The following POTEH variants were observed in gnomAD, a reference collection of about 807,000 sequenced individuals.
The protein encoded by POTEH is POTE ankyrin domain family member H, also known as ANKRD26-like family C member 3.
In POTEH, 6 loss-of-function variants were observed where a neutral mutation model predicts 41.7. The observed-to-expected ratio is 0.14, with a 90% CI of 0.08 to 0.28. The LOEUF (loss-of-function observed/expected upper bound fraction) is 0.28. POTEH is among the 10% of genes least tolerant of loss of function. The probability of loss-of-function intolerance (pLI) is 1.00; values close to 1 mark genes in which losing one functional copy is unlikely to be tolerated. For synonymous variants in POTEH, 38 were observed against 179.9 expected, an observed-to-expected ratio of 0.21 and a Z score of 6.31; for missense variants, 115 against 533.5, an observed-to-expected ratio of 0.22 and a Z score of 7.73.
chr22:15,703,647 A>T lies in POTEH; in HGVS notation c.1237+891A>T, dbSNP rs536112025. On this transcript the variant is annotated intron_variant, in intron 6 of 10. Coordinates refer to ENST00000343518, the MANE Select transcript of POTEH (RefSeq NM_001136213.1). ...TCATAAAAGTAGAAAAATGTTTCAC[A>T]CTCACAAAAATGCTAGTATGCTACC... Among the ~76,000 whole-genome samples the T allele has an allele frequency of 2.7e-4, 41 of 149,132 alleles. 1 individual carries two copies. The highest frequency in any genetic ancestry group is 9.9e-4 in the African/African-American group (40 of 40,242).
At chr22:15,720,435 TA>T (rs1320428091) in intron 10 of POTEH, among the ~76,000 whole-genome samples, 1 of 88,004 alleles carries the variant, frequency 1.1e-5, no homozygotes, top group Non-Finnish European at 2.1e-5. Context: ...TCATGATTTC[TA>T]AGAAAATCTC....
At chr22:15,711,891 AT>A (rs2123844306) in intron 9 of POTEH, among the ~76,000 whole-genome samples, 1 of 126,076 alleles carries the variant, frequency 7.9e-6, no homozygotes, top group East Asian at 3.3e-4. Context: ...TTATTTCACA[AT>A]TAAAATGTAT....
intron 1 of POTEH, among the ~76,000 whole-genome samples, chr22:15,691,382 T>C (rs1235966658): frequency 1.6e-5 from 2 of 127,550 alleles, no homozygotes; most frequent in African/African-American, 2.8e-5. Flanking sequence ...AAAAATTAGC[T>C]GGACGCGGTG....
intron 8 of POTEH, among the ~76,000 whole-genome samples, chr22:15,710,208 G>T (rs2123841761): frequency 6.6e-6 from 1 of 152,390 alleles, no homozygotes; most frequent in Admixed American, 6.5e-5. Context: ...TGTGAAATTT[G>T]GGGAGCAACT....
chr22:15,690,681 GAC>G lies in POTEH; in HGVS notation c.606_607del (p.Met203GlufsTer34). 7.1e-7 allele frequency: 1 copy of G among 1,417,952 alleles called. No homozygotes were observed. Among genetic ancestry groups the G allele is most frequent in the East Asian group, 2.3e-5 (1 of 43,714 alleles). The allele number at this position is 1,417,952 out of a possible 1,614,324, so 87.8% of individuals were successfully genotyped here. A position where few individuals can be genotyped will look rare whatever the true frequency, so the allele number is the denominator to read the frequency against. On this transcript the variant is annotated frameshift_variant, in exon 1 of 11. Transcript: ENST00000343518. LOFTEE classifies it high-confidence loss of function. ...TCTCATCGTCATGCTCAAGGACACT[GAC>G]ATGAACAAGAAGGACAAGCAAAAGA... Reference protein sequence around the residue: ...KDLIVMLKDTDMNKKDKQKRT... With the variant: ...KDLIVMLKDTXMNKKDKQKRT...
intron 1 of POTEH, among the ~76,000 whole-genome samples, chr22:15,692,005 TATAA>T (rs1193013180): frequency 1.4e-4 from 13 of 89,962 alleles, no homozygotes; most frequent in East Asian, 4.6e-4. Context: ...TATATATATA[TATAA>T]ATTTCTTTTT....
At chr22:15,710,306 C>A (rs1404610611) in intron 8 of POTEH, among the ~76,000 whole-genome samples, 5 of 152,250 alleles carry the variant, frequency 3.3e-5, no homozygotes. Flanking sequence ...TTTCAGTGAG[C>A]ACCTTCGTGT....
In POTEH at chr22:15,690,318, G is replaced by T. The variant is rs1989266559; in HGVS notation, c.241G>T (p.Gly81Cys). 1 of 1,416,894 alleles carries T rather than the reference G, an allele frequency of 7.1e-7. No homozygotes were observed. 87.8% of individuals were successfully genotyped at this position (1,416,894 alleles called of 1,614,324 possible). The stretch of plus-strand genomic sequence containing the variant: ...CAGGGGGAGCGGCAAGAGCAACGTG[G>T]GCACTTCTGGAGACCACGACGATTC... The part of the protein sequence containing the change: ...WCRGSGKSNV[G>C]TSGDHDDSAM... The change falls in exon 1 of 11, where the codon GGC (glycine) becomes TGC (cysteine). Residue 81 changes from glycine (G) to cysteine (C), a missense_variant. Physicochemically the swap from Gly to Cys is radical, Grantham distance 159. Transcript: ENST00000343518.
chr22:15,710,368 GAGA>G (rs1989785304), intron 8 of POTEH, among the ~76,000 whole-genome samples: 3 of 149,064 alleles, frequency 2.0e-5, no homozygotes, highest in African/African-American at 5.0e-5. Flanking sequence ...GGCAGTGGGG[GAGA>G]AGAATATCTT....
rs1488730237 is a variant in POTEH, at chr22:15,691,436, G to T, written c.632+727G>T. 3.2e-5 allele frequency among the ~76,000 whole-genome samples: 4 copies of T among 123,184 alleles called. 2 individuals are homozygous for T. Among genetic ancestry groups the T allele is most frequent in the African/African-American group, 5.9e-5 (2 of 34,104 alleles). The allele number at this position is 123,184 out of a possible 152,430, so 80.8% of individuals were successfully genotyped here. On this transcript the variant is annotated intron_variant, in intron 1 of 10. Coordinates refer to ENST00000343518, the MANE Select transcript of POTEH (RefSeq NM_001136213.1). ...AGCTACTCAGGAGGCTGAGGCAGGA[G>T]AATGGCGTGAACCTGGGAGGCGGAG...
intron 1 of POTEH, among the ~76,000 whole-genome samples, chr22:15,691,504 A>G (rs1989309015): frequency 8.9e-6 from 1 of 112,348 alleles, no homozygotes; most frequent in Non-Finnish European, 2.0e-5. Flanking sequence ...AGAGCCTGGG[A>G]GACAGAGCAA....
At chr22:15,710,514 T>G (rs1303442921) in intron 8 of POTEH, among the ~76,000 whole-genome samples, 1 of 152,258 alleles carries the variant, frequency 6.6e-6, no homozygotes, top group East Asian at 1.9e-4. Flanking sequence ...GTCTTTTTAT[T>G]TATGTGTTCC....
intron 1 of POTEH, among the ~76,000 whole-genome samples, chr22:15,692,724 C>T (rs1185106071): frequency 7.3e-5 from 9 of 123,514 alleles, no homozygotes; most frequent in East Asian, 4.2e-4. Context: ...CACTACATTC[C>T]GGCATGGGTG....
intron 1 of POTEH, among the ~76,000 whole-genome samples, chr22:15,691,525 C>CTGAA (rs1989309960): frequency 2.3e-5 from 2 of 88,096 alleles, no homozygotes; most frequent in African/African-American, 7.8e-5. Context: ...GACTCCGTCT[C>CTGAA]AAAAAAAAAA....
chr22:15,690,153 A>C lies in POTEH; in HGVS notation c.76A>C (p.Lys26Gln). The C allele has an allele frequency of 7.2e-7, 1 of 1,388,108 alleles. No homozygotes were observed. Among genetic ancestry groups the C allele is most frequent in the South Asian group, 1.2e-5 (1 of 84,990 alleles). 86.0% of individuals were successfully genotyped at this position (1,388,108 alleles called of 1,614,324 possible). A position where few individuals can be genotyped will look rare whatever the true frequency, so the allele number is the denominator to read the frequency against. ...ATTTGGTCTCAGAAGCAAGATGGGCAAGTGGTGCCGCCACTGCTTCGCCTG... is the reference window on the plus strand; with the variant it reads ...ATTTGGTCTCAGAAGCAAGATGGGCCAGTGGTGCCGCCACTGCTTCGCCTG... The part of the protein sequence containing the change: ...KPFGLRSKMG[K>Q]WCRHCFAWCR... The change falls in exon 1 of 11, where the codon AAG becomes CAG. Residue 26 changes from lysine to glutamine, a missense_variant. Physicochemically the swap from Lys to Gln is moderately conservative, Grantham distance 53. Transcript: ENST00000343518.
intron 9 of POTEH, among the ~76,000 whole-genome samples, chr22:15,711,382 T>A (rs1408285948): frequency 6.6e-6 from 1 of 151,932 alleles, no homozygotes; most frequent in African/African-American, 2.4e-5. Context: ...TGGTAGTTTT[T>A]TGGTCGTCTC....
At chr22:15,691,302 T>A (rs1989303587) in intron 1 of POTEH, among the ~76,000 whole-genome samples, 1 of 139,220 alleles carries the variant, frequency 7.2e-6, no homozygotes, top group Non-Finnish European at 1.6e-5. Flanking sequence ...GGAGGGCAGA[T>A]CATGGGGTCA....
At chr22:15,691,199 G>C (rs1313187957) in intron 1 of POTEH, among the ~76,000 whole-genome samples, 2 of 140,198 alleles carry the variant, frequency 1.4e-5, no homozygotes. Context: ...TGGTTCTTGT[G>C]CTTGAATAGG....
At chr22:15,696,299 GA>G (rs2123827857) in intron 3 of POTEH, among the ~76,000 whole-genome samples, 1 of 138,592 alleles carries the variant, frequency 7.2e-6, no homozygotes, top group East Asian at 2.5e-4. Flanking sequence ...GATTGCTCAT[GA>G]GGCAGAAGTG....
Sources: allele counts gnomAD v4.1 joint callset (sites outside exome capture counted in the v4.1 genomes callset), GRCh38; gene constraint gnomAD v4.1.1; transcripts MANE v1.5; gene names NCBI Gene and HGNC (gene_info 2026-07-23, HGNC 2026-07-21).